DIAPH3: variants seen among roughly 807,000 people sequenced by gnomAD.
DIAPH3 encodes protein diaphanous homolog 3.
In DIAPH3, 117 loss-of-function variants were observed where a neutral mutation model predicts 144.3. The ratio of observed to expected loss-of-function variants is 0.81; its 90% CI spans 0.70 to 0.95. The LOEUF (loss-of-function observed/expected upper bound fraction) is 0.95. Ranked by LOEUF, DIAPH3 falls within the 40% of genes least tolerant of loss-of-function variation. The pLI is 0.00. For synonymous variants in DIAPH3, 519 were observed against 488.9 expected (o/e 1.06, Z -0.81); for missense variants, 1,421 against 1,412.7 (o/e 1.01, Z -0.09).
rs2051195330 is a variant in DIAPH3 at position 59,983,853 on chromosome 13, A to G, written c.1396T>C (p.Ser466Pro). The change falls in exon 13 of 28, where the codon TCC becomes CCC. Residue 466 changes from serine to proline, a missense_variant. By Grantham distance (74) the Ser-to-Pro change is moderately conservative. Coordinates refer to ENST00000400324, the MANE Select transcript of DIAPH3 (RefSeq NM_001042517.2). Reference sequence around the variant, plus strand: ...CCATCTCTATGCAATACAATCTGGGATACACACTCATCAATTAATTTGAAG... The same window carrying G: ...CCATCTCTATGCAATACAATCTGGGGTACACACTCATCAATTAATTTGAAG... ...QYFKLIDECVSQIVLHRDGMD... is the reference protein window; with the variant it reads ...QYFKLIDECVPQIVLHRDGMD... 1 of 1,609,000 alleles carries G rather than the reference A, an allele frequency of 6.2e-7. No homozygotes were observed. The highest frequency in any genetic ancestry group is 1.3e-5 in the African/African-American group (1 of 74,646).
intron 9 of DIAPH3, 22 bp from the exon 10 acceptor site, chr13:59,992,605 G>T (rs1341911635): frequency 6.4e-7 from 1 of 1,570,304 alleles, no homozygotes; most frequent in South Asian, 1.1e-5. Flanking sequence ...CAAACAGTGA[G>T]ACAGACTGGG....
intron 25 of DIAPH3, among the ~76,000 whole-genome samples, chr13:59,810,518 T>C (rs1225938282): frequency 6.6e-6 from 1 of 152,130 alleles, no homozygotes; most frequent in South Asian, 2.1e-4. Context: ...ATTATTGAGG[T>C]AGTAATTAAA....
At chr13:59,831,324 C>T (rs912225507) in intron 24 of DIAPH3, among the ~76,000 whole-genome samples, 5 of 151,820 alleles carry the variant, frequency 3.3e-5, no homozygotes, top group Non-Finnish European at 7.4e-5. Flanking sequence ...ATTATATTCA[C>T]TGTGATGGTT....
At chr13:59,877,540 T>C (rs1489167009) in intron 21 of DIAPH3, among the ~76,000 whole-genome samples, 1 of 152,180 alleles carries the variant, frequency 6.6e-6, no homozygotes, top group Non-Finnish European at 1.5e-5. Flanking sequence ...ATGTTTTTAA[T>C]TTTATTTAAA....
rs1555274392 is a variant in DIAPH3 at position 59,697,491 on chromosome 13, A to AAAAAAAAAAAAAAAG, written c.3320-30646_3320-30645insCTTTTTTTTTTTTTT. 1.1e-3 allele frequency among the ~76,000 whole-genome samples: 83 copies of AAAAAAAAAAAAAAAG among 78,060 alleles called. 7 individuals carry two copies. Among genetic ancestry groups the AAAAAAAAAAAAAAAG allele is most frequent in the Non-Finnish European group, 1.5e-3 (59 of 40,252 alleles). The allele number at this position is 78,060 out of a possible 152,430, so 51.2% of individuals were successfully genotyped here. ...AAAAAAAAAAAAAAAAAAAAAAAAA[A>AAAAAAAAAAAAAAAG]AAGAAGAGGGGATTCAACTCATATA... On this transcript the variant is annotated intron_variant, in intron 27 of 27. Transcript: ENST00000400324.
chr13:59,688,193 G>T (rs1002624327), intron 27 of DIAPH3, among the ~76,000 whole-genome samples: 1 of 151,992 alleles, frequency 6.6e-6, no homozygotes, highest in African/African-American at 2.4e-5. Flanking sequence ...TGGCTCTATT[G>T]TTGTCTTTTT....
intron 24 of DIAPH3, among the ~76,000 whole-genome samples, chr13:59,812,896 G>C (rs573875099): frequency 1.3e-5 from 2 of 152,020 alleles, no homozygotes; most frequent in East Asian, 3.9e-4. Flanking sequence ...CCTTTGTTTC[G>C]AACTATCTTT....
intron 1 of DIAPH3, among the ~76,000 whole-genome samples, chr13:60,147,545 C>T (rs909028954): frequency 6.6e-6 from 1 of 152,148 alleles, no homozygotes; most frequent in Non-Finnish European, 1.5e-5. Flanking sequence ...TTACAGATAC[C>T]AGGGAACACC....
intron 25 of DIAPH3, among the ~76,000 whole-genome samples, chr13:59,800,130 A>T (rs910516116): frequency 1.3e-5 from 2 of 152,210 alleles, no homozygotes; most frequent in African/African-American, 2.4e-5. Context: ...GCGTGTGTAC[A>T]CGTACACATG....
intron 18 of DIAPH3, among the ~76,000 whole-genome samples, chr13:59,918,645 A>G (rs1445514512): frequency 6.6e-6 from 1 of 152,154 alleles, no homozygotes; most frequent in African/African-American, 2.4e-5. Flanking sequence ...ACTCCCTAAC[A>G]CTGCACCAAC....
At chr13:59,805,635 T>C (rs978379513) in intron 25 of DIAPH3, among the ~76,000 whole-genome samples, 1 of 151,828 alleles carries the variant, frequency 6.6e-6, no homozygotes, top group African/African-American at 2.4e-5. Flanking sequence ...TCAACAGAAA[T>C]AACCAAAACT....
chr13:59,888,988 T>G (rs1409878952), intron 20 of DIAPH3, among the ~76,000 whole-genome samples: 1 of 152,094 alleles, frequency 6.6e-6, no homozygotes, highest in African/African-American at 2.4e-5. Context: ...TTTTCCTACA[T>G]GTACTGTGCC....
At chr13:59,822,614 T>G (rs773367104) in intron 24 of DIAPH3, among the ~76,000 whole-genome samples, 4 of 151,978 alleles carry the variant, frequency 2.6e-5, no homozygotes, top group Non-Finnish European at 5.9e-5. Flanking sequence ...CTAATTTTTT[T>G]TTGTATTTTA....
At chr13:60,010,444 T>C in intron 8 of DIAPH3, 89 bp downstream of exon 8, 1 of 1,322,460 alleles carries the variant, frequency 7.6e-7, no homozygotes, top group Non-Finnish European at 1.0e-6. Context: ...TTCTAGTAAA[T>C]TCTAGCCTAG....
intron 1 of DIAPH3, among the ~76,000 whole-genome samples, chr13:60,153,207 G>C (rs1035108785): frequency 6.6e-6 from 1 of 152,040 alleles, no homozygotes; most frequent in African/African-American, 2.4e-5. Flanking sequence ...GTTCCAAATG[G>C]CTATTTATAA....
rs1351705439 is a variant in DIAPH3 at position 60,031,730 on chromosome 13, A to ATTT, written c.626+10959_626+10960insAAA. Among the ~76,000 whole-genome samples the ATTT allele has an allele frequency of 1.4e-3, 91 of 65,758 alleles. No individual in the cohort carries two copies. In the South Asian group the frequency reaches 0.024, roughly 17 times the overall value. The allele number at this position is 65,758 out of a possible 152,430, so 43.1% of individuals were successfully genotyped here. ...TGAAACCCAGTAGGGCAGTCATTAA[A>ATTT]TCTTTTTTTTTTTTTTTTTTTTTTT... is the stretch of plus-strand genomic sequence containing the variant. On this transcript the variant is annotated intron_variant, in intron 5 of 27. Coordinates refer to ENST00000400324, the MANE Select transcript of DIAPH3 (RefSeq NM_001042517.2).
intron 1 of DIAPH3, among the ~76,000 whole-genome samples, chr13:60,135,189 G>GA (rs2059239307): frequency 6.7e-6 from 1 of 149,074 alleles, no homozygotes; most frequent in African/African-American, 2.5e-5. Flanking sequence ...TCAGGAAAAA[G>GA]AACAGCCACT....
At chr13:59,890,610 AATTAAACATGCTGTCCACAT>A (rs2045728478) in intron 20 of DIAPH3, among the ~76,000 whole-genome samples, 1 of 151,940 alleles carries the variant, frequency 6.6e-6, no homozygotes, top group South Asian at 2.1e-4. Flanking sequence ...CCTGTACCCA[AATTAAACATGCTGTCCACAT>A]ACTGCTTCAC....
chr13:59,836,483 T>C (rs560128080), intron 23 of DIAPH3, among the ~76,000 whole-genome samples: 2 of 151,886 alleles, frequency 1.3e-5, no homozygotes, highest in Admixed American at 1.3e-4. Flanking sequence ...AAAATGTCAA[T>C]GATATTTGAA....
Sources: gnomAD v4.1 joint callset for allele counts (sites outside exome capture counted in the v4.1 genomes callset) on GRCh38, gnomAD v4.1.1 for gene constraint, MANE v1.5 for transcripts, NCBI Gene and HGNC (gene_info 2026-07-23, HGNC 2026-07-21) for gene names.